Variants in PCDHA7 observed in about 807,000 individuals in gnomAD.
The protein encoded by PCDHA7 is protocadherin alpha-7.
PCDHA7 carries 37 observed loss-of-function variants against 57.2 expected under a neutral mutation model. The observed-to-expected ratio is 0.65, with a 90% CI of 0.50 to 0.85. The LOEUF is 0.85. Ranked by LOEUF, PCDHA7 falls within the 40% of genes least tolerant of loss-of-function variation. The pLI is 0.00. For missense variants in PCDHA7, 1,188 were observed against 1,241.8 expected (o/e 0.96, Z 0.65); for synonymous variants, 553 against 558.8 (o/e 0.99, Z 0.15).
intron 1 of PCDHA7, chr5:140,966,278 T>TGG (rs1173319352): frequency 3.6e-5 from 13 of 363,192 alleles, no homozygotes; most frequent in Admixed American, 2.8e-4. Context: ...AACTGGACAG[T>TGG]GGGGGTAGGG....
chr5:140,926,985 G>A, intron 1 of PCDHA7: 1 of 1,611,068 alleles, frequency 6.2e-7, no homozygotes, highest in Non-Finnish European at 8.5e-7. Flanking sequence ...AGGAGACGGA[G>A]CGGGGCGTAG....
chr5:140,846,023 G>A lies in PCDHA7; in HGVS notation c.2355+9285G>A, dbSNP rs190415681. Among the ~76,000 whole-genome samples, 29 of 149,662 alleles carry A rather than the reference G, an allele frequency of 1.9e-4. No homozygotes were observed. The East Asian group carries it at 5.2e-3, about 27-fold the overall frequency. ...ATGAAAAAAATCTAAAAGTTATTACGAGTTTAGGAAAGTCAAGTTAACACC... is the reference window on the plus strand; with the variant it reads ...ATGAAAAAAATCTAAAAGTTATTACAAGTTTAGGAAAGTCAAGTTAACACC... On this transcript the variant is annotated intron_variant, in intron 1 of 3. Transcript: ENST00000525929.
intron 2 of PCDHA7, among the ~76,000 whole-genome samples, chr5:140,980,491 G>A (rs917181390): frequency 2.6e-5 from 4 of 152,132 alleles, no homozygotes; most frequent in Non-Finnish European, 5.9e-5. Flanking sequence ...TTAGCTGGGC[G>A]TGATGGCATG....
chr5:140,876,023 C>G, intron 1 of PCDHA7: 1 of 1,612,330 alleles, frequency 6.2e-7, no homozygotes, highest in Non-Finnish European at 8.5e-7. Flanking sequence ...AAAATAAAAA[C>G]AAAAAAAGAT....
intron 1 of PCDHA7, chr5:140,969,353 C>T (rs781980010): frequency 3.7e-6 from 6 of 1,612,562 alleles, no homozygotes; most frequent in Non-Finnish European, 4.2e-6. Context: ...GTCAGGGGGT[C>T]TTCTACAAAC....
chr5:140,883,707 A>C, intron 1 of PCDHA7: 1 of 1,613,636 alleles, frequency 6.2e-7, no homozygotes. Context: ...GTGTCTGCTC[A>C]GGACGCGGAC....
At chr5:140,836,957 G>T (rs193007351) in intron 1 of PCDHA7, 3 of 414,634 alleles carry the variant, frequency 7.2e-6, no homozygotes, top group African/African-American at 4.1e-5. Context: ...TATGGTTTAT[G>T]TTGGCTACTC....
chr5:140,897,304 G>A (rs1297881439), intron 1 of PCDHA7, among the ~76,000 whole-genome samples: 1 of 150,768 alleles, frequency 6.6e-6, no homozygotes, highest in Non-Finnish European at 1.5e-5. Flanking sequence ...TTTAGCATTA[G>A]GTATATCTCC....
intron 1 of PCDHA7, chr5:140,853,410 G>A (rs1291135105): frequency 1.0e-6 from 1 of 986,108 alleles, no homozygotes; most frequent in African/African-American, 1.8e-5. Context: ...AAACAGAGAG[G>A]TGAAAGCAGA....
chr5:140,964,949 G>A (rs1322269042), intron 1 of PCDHA7, among the ~76,000 whole-genome samples: 1 of 152,226 alleles, frequency 6.6e-6, no homozygotes, highest in Non-Finnish European at 1.5e-5. Flanking sequence ...TAGTGAGTGT[G>A]CTTGGTTGGT....
At chr5:140,907,341 G>A (rs376587538) in intron 1 of PCDHA7, among the ~76,000 whole-genome samples, 1 of 152,326 alleles carries the variant, frequency 6.6e-6, no homozygotes, top group South Asian at 2.1e-4. Context: ...ATATGCATGA[G>A]CCCGCTGCTG....
At chr5:140,843,680 G>A (rs2150364967) in intron 1 of PCDHA7, 1 of 1,588,882 alleles carries the variant, frequency 6.3e-7, no homozygotes, top group Non-Finnish European at 8.6e-7. Context: ...TGATGTAGGC[G>A]AAGAGCAAGA....
chr5:140,850,927 T>C, intron 1 of PCDHA7: 1 of 1,521,264 alleles, frequency 6.6e-7, no homozygotes, highest in Non-Finnish European at 8.8e-7. Flanking sequence ...TATATAATTT[T>C]TTTTCTTGAA....
At chr5:140,848,920 T>A (rs1554142573) in intron 1 of PCDHA7, 1 of 1,607,752 alleles carries the variant, frequency 6.2e-7, no homozygotes, top group East Asian at 2.2e-5. Flanking sequence ...AATCTGTTCA[T>A]CGCGGAATCC....
chr5:140,985,739 C>CTTT (rs11372071), intron 3 of PCDHA7, among the ~76,000 whole-genome samples: 39 of 117,922 alleles, frequency 3.3e-4, no homozygotes, highest in Non-Finnish European at 4.1e-4. Context: ...TGATGAATTC[C>CTTT]TTTTTTTTTT....
intron 1 of PCDHA7, among the ~76,000 whole-genome samples, chr5:140,947,509 T>C (rs1358803536): frequency 2.6e-5 from 4 of 151,722 alleles, no homozygotes; most frequent in Non-Finnish European, 4.4e-5. Flanking sequence ...AATTTTCATA[T>C]AAATTTTAGA....
rs1580988971 is a variant in PCDHA7, at chr5:140,842,089, C to T, written c.2355+5351C>T. ...AAGTAAGAATATTCGAAAACGCAGA[C>T]AACGGAACAACAGTTATCAAACTGA... is the stretch of plus-strand genomic sequence containing the variant. On this transcript the variant is annotated intron_variant, in intron 1 of 3. Transcript: ENST00000525929. The T allele has an allele frequency of 1.9e-6, 3 of 1,613,894 alleles. No homozygotes were observed. The East Asian group carries it at 6.7e-5, about 36-fold the overall frequency.
chr5:140,861,270 A>G (rs900401240), intron 1 of PCDHA7: 2 of 180,284 alleles, frequency 1.1e-5, no homozygotes, highest in South Asian at 1.2e-4. Flanking sequence ...AGCCTACAGC[A>G]CTGGCTTCTG....
rs2098421437 is a variant in PCDHA7, at chr5:141,011,660, T to G, written c.*1723T>G. The G allele has an allele frequency of 6.5e-6, 1 of 153,726 alleles. No individual in the cohort carries two copies. Among genetic ancestry groups the G allele is most frequent in the African/African-American group, 2.4e-5 (1 of 41,436 alleles). The allele number at this position is 153,726 out of a possible 1,614,324, so 9.5% of individuals were successfully genotyped here. On this transcript the variant is annotated 3_prime_UTR_variant, in exon 4 of 4. Coordinates refer to ENST00000525929, the MANE Select transcript of PCDHA7 (RefSeq NM_018910.3). ...GCCAAGACTTCTGCTGGCAAGGGAATGGATAAAGCTGTTTTGTTCTAGTAA... is the reference window on the plus strand; with the variant it reads ...GCCAAGACTTCTGCTGGCAAGGGAAGGGATAAAGCTGTTTTGTTCTAGTAA...
Sources: allele counts gnomAD v4.1 joint callset (sites outside exome capture counted in the v4.1 genomes callset), GRCh38; gene constraint gnomAD v4.1.1; transcripts MANE v1.5; gene names NCBI Gene and HGNC (gene_info 2026-07-23, HGNC 2026-07-21).